The following NBAS variants were observed in gnomAD, a reference collection of about 807,000 sequenced individuals.
The protein encoded by NBAS is NBAS subunit of NRZ tethering complex.
NBAS carries 219 observed loss-of-function variants against 302.5 expected under a neutral mutation model. The ratio of observed to expected loss-of-function variants is 0.72; its 90% CI spans 0.65 to 0.81. NBAS has a LOEUF of 0.81. NBAS is among the 30% of genes least tolerant of loss of function. NBAS has a pLI of 0.00. For synonymous variants in NBAS, 1,118 were observed against 1,021.6 expected, an observed-to-expected ratio of 1.09 and a Z score of -1.80; for missense variants, 2,932 against 2,841.6, an observed-to-expected ratio of 1.03 and a Z score of -0.72.
intron 21 of NBAS, among the ~76,000 whole-genome samples, chr2:15,440,400 G>A (rs181607576): frequency 0.013 from 1,930 of 152,314 alleles, 31 homozygotes; most frequent in East Asian, 0.059. Context: ...GGCAAACAGG[G>A]TCTGGAGTGG....
At chr2:15,473,172 A>G in intron 16 of NBAS, 50 bp downstream of exon 16, 1 of 1,596,008 alleles carries the variant, frequency 6.3e-7, no homozygotes, top group East Asian at 2.2e-5. Flanking sequence ...TAAACAAAAG[A>G]TATTACATGA....
chr2:15,316,019 G>T (rs914295962), intron 38 of NBAS, among the ~76,000 whole-genome samples: 1 of 152,208 alleles, frequency 6.6e-6, no homozygotes, highest in African/African-American at 2.4e-5. Flanking sequence ...ATTCAGAAAA[G>T]ATGGTAAGTA....
chr2:14,981,623 G>A, the NBAS span, among the ~76,000 whole-genome samples: 6 of 152,168 alleles, frequency 3.9e-5, no homozygotes, highest in African/African-American at 1.2e-4. Context: ...CATACAACTG[G>A]GTGTAGCAAT....
rs577243608 is a variant in NBAS, at chr2:15,179,173, G to A, written c.6712-57C>T. On this transcript the variant is annotated intron_variant, in intron 50 of 51. Transcript: ENST00000281513. Reference sequence around the variant, plus strand: ...TCCACGACGTACTTCTCACCGGCACGGTTCTGGCTGGATCATTCCACCCCT... The same window carrying A: ...TCCACGACGTACTTCTCACCGGCACAGTTCTGGCTGGATCATTCCACCCCT... 564 of 1,612,068 alleles carry A rather than the reference G, an allele frequency of 3.5e-4. 1 individual carries two copies. The African/African-American group carries it at 6.8e-3, about 19-fold the overall frequency.
the NBAS span, among the ~76,000 whole-genome samples, chr2:15,080,393 C>G: frequency 2.0e-5 from 3 of 152,206 alleles, no homozygotes. Context: ...CAGTTATACT[C>G]CTGTATCTCT....
chr2:14,784,149 C>T, the NBAS span, among the ~76,000 whole-genome samples: 1 of 152,130 alleles, frequency 6.6e-6, no homozygotes, highest in African/African-American at 2.4e-5. Context: ...ATGTCCTTTG[C>T]CCACTTTTTG....
intron 38 of NBAS, among the ~76,000 whole-genome samples, chr2:15,310,090 AC>A (rs1458539959): frequency 6.6e-6 from 1 of 152,240 alleles, no homozygotes; most frequent in East Asian, 1.9e-4. Context: ...GAAATGCACC[AC>A]ATGATTTTTC....
At position 15,561,274 on chromosome 2, in the gene NBAS, T is replaced by C. The variant is rs945642196; in HGVS notation, c.31A>G (p.Ser11Gly). MAAPESGPAL[S>G]PGTAEGEEET... is the part of the protein sequence containing the mutation. ...TCCTCACCCTCTGCAGTGCCTGGACTCAAAGCCGGCCCTGACTCGGGGGCC... is the reference window on the plus strand; with the variant it reads ...TCCTCACCCTCTGCAGTGCCTGGACCCAAAGCCGGCCCTGACTCGGGGGCC... Residue 11 changes from serine to glycine, a missense_variant, in exon 1 of 52, where the codon AGT (serine) becomes GGT (glycine). By Grantham distance (56) the Ser-to-Gly change is moderately conservative (BLOSUM62 0). Transcript: ENST00000281513. The C allele has an allele frequency of 3.1e-6, 5 of 1,613,594 alleles. No homozygotes were observed. Among genetic ancestry groups the C allele is most frequent in the Non-Finnish European group, 4.2e-6 (5 of 1,180,034 alleles).
chr2:15,462,961 A>G (rs1295845113), intron 19 of NBAS, among the ~76,000 whole-genome samples: 2 of 152,214 alleles, frequency 1.3e-5, no homozygotes, highest in Non-Finnish European at 2.9e-5. Flanking sequence ...CATGGAAACC[A>G]AAAGAAGAAA....
At chr2:14,814,816 T>TC in the NBAS span, among the ~76,000 whole-genome samples, 20 of 151,476 alleles carry the variant, frequency 1.3e-4, no homozygotes, top group Admixed American at 2.6e-4. Context: ...TGGCTCTGTG[T>TC]CCCCCCCCAA....
At chr2:15,174,626 T>A (rs1191134231) in intron 51 of NBAS, among the ~76,000 whole-genome samples, 1 of 152,192 alleles carries the variant, frequency 6.6e-6, no homozygotes, top group Non-Finnish European at 1.5e-5. Flanking sequence ...ATTATATGCC[T>A]CAAGGTGCTT....
intron 27 of NBAS, among the ~76,000 whole-genome samples, chr2:15,395,471 T>C (rs1330730131): frequency 1.3e-5 from 2 of 152,122 alleles, no homozygotes; most frequent in Non-Finnish European, 2.9e-5. Flanking sequence ...ACTGTATAAC[T>C]TTCAGAACAC....
the NBAS span, among the ~76,000 whole-genome samples, chr2:14,939,294 T>C: frequency 6.6e-6 from 1 of 152,396 alleles, no homozygotes; most frequent in South Asian, 2.1e-4. Context: ...ATTCAGTTAC[T>C]ACAGCTCTGC....
At chr2:15,237,481 T>C (rs1667645559) in intron 45 of NBAS, among the ~76,000 whole-genome samples, 3 of 152,026 alleles carry the variant, frequency 2.0e-5, no homozygotes, top group Admixed American at 2.0e-4. Flanking sequence ...AGGGTATACG[T>C]TTAACAAAAA....
intron 16 of NBAS, among the ~76,000 whole-genome samples, chr2:15,469,878 C>A (rs1347762113): frequency 6.6e-6 from 1 of 151,098 alleles, no homozygotes; most frequent in Non-Finnish European, 1.5e-5. Context: ...AGGAGATATG[C>A]CTAATGTAAA....
chr2:14,810,227 A>C, the NBAS span, among the ~76,000 whole-genome samples: 367 of 152,274 alleles, frequency 2.4e-3, no homozygotes, highest in African/African-American at 8.1e-3. Context: ...TGAGGACATG[A>C]GATCGTGGAG....
At chr2:14,830,018 C>T in the NBAS span, among the ~76,000 whole-genome samples, 1 of 152,126 alleles carries the variant, frequency 6.6e-6, no homozygotes, top group South Asian at 2.1e-4. Flanking sequence ...GAGGCTGGTC[C>T]AGTTTCACTT....
chr2:15,118,952 A>G, the NBAS span, among the ~76,000 whole-genome samples: 1 of 152,240 alleles, frequency 6.6e-6, no homozygotes, highest in Non-Finnish European at 1.5e-5. Flanking sequence ...GTTAAACAAC[A>G]AAAACAGAGA....
chr2:15,208,964 C>T (rs550134869), intron 48 of NBAS, among the ~76,000 whole-genome samples: 181 of 151,850 alleles, frequency 1.2e-3, no homozygotes, highest in African/African-American at 3.8e-3. Context: ...CAGAAATAAA[C>T]GAATTGGAAA....
Sources: allele counts gnomAD v4.1 joint callset (sites outside exome capture counted in the v4.1 genomes callset), GRCh38; gene constraint gnomAD v4.1.1; transcripts MANE v1.5; gene names NCBI Gene and HGNC (gene_info 2026-07-23, HGNC 2026-07-21).